TPRG1: variants seen among roughly 807,000 people sequenced by gnomAD.
The protein encoded by TPRG1 is tumor protein p63-regulated gene 1 protein.
A neutral mutation model predicts 29.3 loss-of-function variants in TPRG1; 29 were observed. The ratio of observed to expected loss-of-function variants is 0.99; its 90% confidence interval spans 0.74 to 1.35. The LOEUF is 1.35. Among genes scored for constraint, TPRG1 ranks in the 40% most tolerant of loss-of-function variants. The probability of loss-of-function intolerance (pLI) is 0.00; values close to 1 mark genes in which losing one functional copy is unlikely to be tolerated. For synonymous variants in TPRG1, 130 were observed against 116.8 expected, an observed-to-expected ratio of 1.11 and a Z score of -0.73; for missense variants, 327 against 335.0, an observed-to-expected ratio of 0.98 and a Z score of 0.19.
chr3:189,286,925 C>G (rs1718156174), intron 4 of TPRG1, among the ~76,000 whole-genome samples: 1 of 152,088 alleles, frequency 6.6e-6, no homozygotes, highest in South Asian at 2.1e-4. Context: ...CTCTTTTTCA[C>G]TTGGGTCAGC....
intron 3 of TPRG1, among the ~76,000 whole-genome samples, chr3:189,220,465 C>G (rs989497300): frequency 2.0e-5 from 3 of 152,178 alleles, no homozygotes; most frequent in Non-Finnish European, 4.4e-5. Context: ...TTCAGTGGTA[C>G]AAGTGCAGGT....
chr3:189,254,391 G>T (rs1031202678), intron 4 of TPRG1, among the ~76,000 whole-genome samples: 5 of 152,048 alleles, frequency 3.3e-5, no homozygotes, highest in African/African-American at 4.8e-5. Context: ...TATTTGTTTT[G>T]GTACCAGTAC....
chr3:189,084,181 A>G (rs1304368404), intron 4 of TPRG1, among the ~76,000 whole-genome samples: 1 of 152,076 alleles, frequency 6.6e-6, no homozygotes, highest in Admixed American at 6.6e-5. Flanking sequence ...AAAATGTACC[A>G]TGCGTTGAAG....
intron 5 of TPRG1, among the ~76,000 whole-genome samples, chr3:189,312,319 A>G (rs896283952): frequency 3.7e-4 from 56 of 151,482 alleles, no homozygotes; most frequent in African/African-American, 1.3e-3. Flanking sequence ...CTCCTGCCTC[A>G]GCCTCCGGAG....
chr3:189,163,860 T>TC (rs1024072836), intron 5 of TPRG1, among the ~76,000 whole-genome samples: 3 of 152,110 alleles, frequency 2.0e-5, no homozygotes, highest in Non-Finnish European at 2.9e-5. Context: ...AGCAGGGCAG[T>TC]CCCTGAGGCA....
chr3:189,246,314 T>C (rs2108981502), intron 4 of TPRG1, among the ~76,000 whole-genome samples: 1 of 152,302 alleles, frequency 6.6e-6, no homozygotes, highest in East Asian at 1.9e-4. Context: ...CTTTTTTCTT[T>C]ATAAATTACC....
chr3:189,215,478 C>T (rs1735930058), intron 3 of TPRG1, 95 bp downstream of exon 3: 2 of 1,015,724 alleles, frequency 2.0e-6, no homozygotes, highest in Admixed American at 2.5e-5. Context: ...GGTAGAATTT[C>T]TCTGGTTGCT....
chr3:189,315,082 T>C (rs1403848594), intron 5 of TPRG1, among the ~76,000 whole-genome samples: 1 of 152,018 alleles, frequency 6.6e-6, no homozygotes, highest in East Asian at 1.9e-4. Context: ...GGAGTTCGAG[T>C]CTGCAGTGCA....
chr3:189,033,054 A>G (rs1324224384), intron 4 of TPRG1, among the ~76,000 whole-genome samples: 1 of 152,130 alleles, frequency 6.6e-6, no homozygotes, highest in Non-Finnish European at 1.5e-5. Flanking sequence ...GAAAAGAAAG[A>G]TAATGTCTCT....
intron 4 of TPRG1, among the ~76,000 whole-genome samples, chr3:189,242,713 G>C (rs933745021): frequency 1.3e-5 from 2 of 151,182 alleles, no homozygotes; most frequent in Non-Finnish European, 3.0e-5. Flanking sequence ...TTCATTGACT[G>C]TTTGATAGAG....
At chr3:189,257,977 C>T (rs1437439920) in intron 4 of TPRG1, among the ~76,000 whole-genome samples, 1 of 152,150 alleles carries the variant, frequency 6.6e-6, no homozygotes, top group Non-Finnish European at 1.5e-5. Context: ...TTTGTTATTG[C>T]CTACCTTCTG....
At chr3:189,178,357 C>G (rs569185130) in intron 1 of TPRG1, among the ~76,000 whole-genome samples, 2 of 152,214 alleles carry the variant, frequency 1.3e-5, no homozygotes, top group East Asian at 3.9e-4. Flanking sequence ...GGCAAAACCC[C>G]GTCTCTACTA....
chr3:189,294,924 A>G (rs1225782171), intron 4 of TPRG1, among the ~76,000 whole-genome samples: 1 of 152,186 alleles, frequency 6.6e-6, no homozygotes, highest in African/African-American at 2.4e-5. Flanking sequence ...ACATATGTAT[A>G]CATGTGCCAT....
chr3:189,025,181 C>G (rs990623139), intron 4 of TPRG1, among the ~76,000 whole-genome samples: 9 of 152,120 alleles, frequency 5.9e-5, no homozygotes, highest in African/African-American at 2.2e-4. Context: ...TCCTAGACTC[C>G]ACACAGCTCT....
chr3:189,197,273 T>C (rs1055059385), intron 1 of TPRG1, among the ~76,000 whole-genome samples: 1 of 152,198 alleles, frequency 6.6e-6, no homozygotes, highest in Non-Finnish European at 1.5e-5. Flanking sequence ...TCTGCTTCTT[T>C]CTTGTTCATC....
intron 1 of TPRG1, among the ~76,000 whole-genome samples, chr3:189,199,910 A>G (rs1466640476): frequency 6.6e-6 from 1 of 152,144 alleles, no homozygotes; most frequent in Non-Finnish European, 1.5e-5. Context: ...ACAAACAAAC[A>G]AAAAAACAAT....
intron 2 of TPRG1, among the ~76,000 whole-genome samples, chr3:189,002,113 C>G (rs945988942): frequency 6.6e-6 from 1 of 152,156 alleles, no homozygotes; most frequent in South Asian, 2.1e-4. Flanking sequence ...TACTCCTTAG[C>G]CTAGTGGGTT....
chr3:189,191,300 G>A (rs1489160172), intron 1 of TPRG1, among the ~76,000 whole-genome samples: 3 of 152,054 alleles, frequency 2.0e-5, no homozygotes, highest in African/African-American at 7.2e-5. Context: ...TCATTCTTTA[G>A]CATTCTGAAC....
At chr3:189,167,789 G>T (rs1728336780), upstream of TPRG1, among the ~76,000 whole-genome samples, 1 of 152,124 alleles carries the variant, frequency 6.6e-6, no homozygotes, top group African/African-American at 2.4e-5. Flanking sequence ...TGTGAAAAAT[G>T]GTGCAACATT....
Sources: allele counts gnomAD v4.1 joint callset (sites outside exome capture counted in the v4.1 genomes callset), GRCh38; gene constraint gnomAD v4.1.1; transcripts MANE v1.5; gene names NCBI Gene and HGNC (gene_info 2026-07-23, HGNC 2026-07-21).